LIMCH1: variants seen among roughly 807,000 people sequenced by gnomAD.
The protein encoded by LIMCH1 is LIM and calponin homology domains-containing protein 1.
In LIMCH1, 113 loss-of-function variants were observed where a neutral mutation model predicts 176.5. The observed-to-expected ratio is 0.64, with a 90% CI of 0.55 to 0.75. The LOEUF (loss-of-function observed/expected upper bound fraction) is 0.75, where lower values mean the gene tolerates loss of function less well. Among genes scored for constraint, LIMCH1 ranks in the 30% least tolerant of loss-of-function variants. The pLI, the probability that LIMCH1 is intolerant of heterozygous loss-of-function variation, is 0.00. For synonymous variants in LIMCH1, 619 were observed against 645.9 expected (o/e 0.96, Z 0.63); for missense variants, 1,674 against 1,814.9 (o/e 0.92, Z 1.41).
chr4:41,486,959 TAC>T (rs796569735), intron 1 of LIMCH1, among the ~76,000 whole-genome samples: 4 of 116,030 alleles, frequency 3.4e-5, no homozygotes, highest in African/African-American at 1.0e-4. Flanking sequence ...TATATATATA[TAC>T]ACACACACAC....
intron 1 of LIMCH1, among the ~76,000 whole-genome samples, chr4:41,435,362 GCCT>G (rs1215381732): frequency 6.6e-6 from 1 of 152,194 alleles, no homozygotes; most frequent in East Asian, 1.9e-4. Context: ...GGCATGGAAA[GCCT>G]CCTGTTCCCC....
At chr4:41,364,906 T>G (rs1470077285) in intron 1 of LIMCH1, among the ~76,000 whole-genome samples, 2 of 152,126 alleles carry the variant, frequency 1.3e-5, no homozygotes, top group Non-Finnish European at 2.9e-5. Flanking sequence ...TCTTTTTTTT[T>G]GGTGGTATTT....
intron 1 of LIMCH1, among the ~76,000 whole-genome samples, chr4:41,407,599 C>T (rs189245998): frequency 7.9e-5 from 12 of 152,316 alleles, no homozygotes; most frequent in African/African-American, 2.9e-4. Context: ...TGAGGAGTGT[C>T]AGTGTTGTCA....
Position 41,603,918 on chromosome 4 carries a change from A to G in LIMCH1, c.-103+13A>G. The G allele has an allele frequency of 6.2e-7, 1 of 1,600,706 alleles. No homozygotes were observed. Among genetic ancestry groups the G allele is most frequent in the East Asian group, 2.2e-5 (1 of 44,716 alleles). The stretch of plus-strand genomic sequence containing the variant: ...GAAGCTGAAAAATGTAAGTGTTTTA[A>G]CTTCCAAACTTGTATCTTTGATGGT... On this transcript the variant is annotated intron_variant, in intron 3 of 31. Coordinates refer to ENST00000503057, the MANE Select transcript of LIMCH1 (RefSeq NM_001330672.2).
rs138381891 is a variant in LIMCH1 at position 41,660,237 on chromosome 4, A to G, written c.3037-1183A>G. 1.5e-3 allele frequency among the ~76,000 whole-genome samples: 230 copies of G among 152,324 alleles called. 1 individual carries two copies. Among genetic ancestry groups the G allele is most frequent in the Admixed American group, 0.014 (219 of 15,286 alleles). ...TCATGATTATATTGCCTTTATGGAC[A>G]TGCAGTAATTCATTCAATCATTCCC... On this transcript the variant is annotated intron_variant, in intron 18 of 31. Coordinates refer to ENST00000503057, the MANE Select transcript of LIMCH1 (RefSeq NM_001330672.2).
At chr4:41,550,241 G>A (rs546810679) in intron 1 of LIMCH1, among the ~76,000 whole-genome samples, 5 of 151,288 alleles carry the variant, frequency 3.3e-5, no homozygotes, top group Non-Finnish European at 5.9e-5. Context: ...ATTTTATATT[G>A]TGTGTATGTA....
chr4:41,416,526 C>T (rs1047943998), intron 1 of LIMCH1, among the ~76,000 whole-genome samples: 1 of 151,766 alleles, frequency 6.6e-6, no homozygotes, highest in African/African-American at 2.4e-5. Flanking sequence ...GGTGTGGTAG[C>T]GGGCGCCTGT....
chr4:41,389,447 A>C (rs2056942079), intron 1 of LIMCH1: 1 of 202,426 alleles, frequency 4.9e-6, no homozygotes, highest in South Asian at 1.0e-4. Flanking sequence ...CAAATGTGGC[A>C]CTGATCTTTA....
At chr4:41,654,464 T>C (rs944034611) in intron 18 of LIMCH1, among the ~76,000 whole-genome samples, 10 of 152,200 alleles carry the variant, frequency 6.6e-5, no homozygotes, top group Admixed American at 6.5e-4. Context: ...GTGTATTCAG[T>C]ACATCTTTGA....
chr4:41,539,988 T>C (rs886262028), intron 1 of LIMCH1, among the ~76,000 whole-genome samples: 2 of 152,190 alleles, frequency 1.3e-5, no homozygotes, highest in Non-Finnish European at 2.9e-5. Flanking sequence ...TAGGCTTCAG[T>C]TGGCCTTCTT....
chr4:41,609,374 G>A (rs1348996893), intron 4 of LIMCH1, among the ~76,000 whole-genome samples: 1 of 151,876 alleles, frequency 6.6e-6, no homozygotes, highest in Non-Finnish European at 1.5e-5. Context: ...CTGGAATGTT[G>A]TGAACTAGAA....
intron 1 of LIMCH1, among the ~76,000 whole-genome samples, chr4:41,543,494 C>T (rs547791391): frequency 5.3e-5 from 8 of 152,216 alleles, no homozygotes; most frequent in South Asian, 2.1e-4. Context: ...ACTAAACTTT[C>T]GGCCCATATT....
At chr4:41,560,885 C>T (rs767668328) in intron 1 of LIMCH1, among the ~76,000 whole-genome samples, 42 of 151,920 alleles carry the variant, frequency 2.8e-4, no homozygotes, top group Non-Finnish European at 5.1e-4. Flanking sequence ...AGGTGTGGTG[C>T]GCTTCCCCAT....
intron 1 of LIMCH1, among the ~76,000 whole-genome samples, chr4:41,372,979 T>C (rs968790128): frequency 6.6e-6 from 1 of 152,204 alleles, no homozygotes; most frequent in African/African-American, 2.4e-5. Flanking sequence ...ACATCATTCA[T>C]TCATTCATCA....
chr4:41,651,651 T>G (rs1175632402), intron 18 of LIMCH1, among the ~76,000 whole-genome samples: 1 of 152,186 alleles, frequency 6.6e-6, no homozygotes, highest in Non-Finnish European at 1.5e-5. Context: ...AAATAACTGG[T>G]GCTATCAGAA....
intron 1 of LIMCH1, among the ~76,000 whole-genome samples, chr4:41,487,378 A>G (rs1379011171): frequency 6.6e-6 from 1 of 152,200 alleles, no homozygotes; most frequent in African/African-American, 2.4e-5. Flanking sequence ...CCTAATGGGC[A>G]TGGGAGAGGG....
upstream of LIMCH1, among the ~76,000 whole-genome samples, chr4:41,537,176 A>C (rs534303925): frequency 7.0e-4 from 106 of 152,344 alleles, 1 homozygote; most frequent in Admixed American, 1.2e-3. Flanking sequence ...TGTGTCAATA[A>C]ATGGCAGGAT....
In LIMCH1 at chr4:41,596,048, C is replaced by CA. The variant is rs1452167402; in HGVS notation, c.-240-2859dup. Among the ~76,000 whole-genome samples the CA allele has an allele frequency of 1.7e-3, 170 of 100,558 alleles. 4 individuals are homozygous for CA. Among genetic ancestry groups the CA allele is most frequent in the East Asian group, 5.6e-3 (25 of 4,448 alleles). The allele number at this position is 100,558 out of a possible 152,430, so 66.0% of individuals were successfully genotyped here. ...TGGGTGACAGAGTGAGACTCCATCT[C>CA]AAAAAAAAAAAAATAAAAAAGTTCA... On this transcript the variant is annotated intron_variant, in intron 1 of 31. Coordinates refer to ENST00000503057, the MANE Select transcript of LIMCH1 (RefSeq NM_001330672.2).
chr4:41,447,784 G>A (rs544878407), intron 1 of LIMCH1, among the ~76,000 whole-genome samples: 4 of 152,098 alleles, frequency 2.6e-5, no homozygotes, highest in Admixed American at 6.6e-5. Context: ...TAGTGGGTTG[G>A]GAGTAGCATT....
Sources: allele counts gnomAD v4.1 joint callset (sites outside exome capture counted in the v4.1 genomes callset), GRCh38; gene constraint gnomAD v4.1.1; transcripts MANE v1.5; gene names NCBI Gene and HGNC (gene_info 2026-07-23, HGNC 2026-07-21).